NUP88: variants seen among roughly 807,000 people sequenced by gnomAD.
NUP88 encodes nucleoporin 88.
Under a neutral mutation model 93.9 loss-of-function variants are expected in NUP88, and 57 were observed. That is an observed-to-expected ratio of 0.61 (90% confidence interval 0.49 to 0.76). The LOEUF (loss-of-function observed/expected upper bound fraction) is 0.76. Among genes scored for constraint, NUP88 ranks in the 30% least tolerant of loss-of-function variants. NUP88 has a pLI of 0.00. For synonymous variants in NUP88, 346 were observed against 336.8 expected, an observed-to-expected ratio of 1.03 and a Z score of -0.30; for missense variants, 911 against 901.0, an observed-to-expected ratio of 1.01 and a Z score of -0.14.
rs1164479251 is a variant in NUP88 at position 5,407,068 on chromosome 17, C to G, written c.857+1665G>C. 2.0e-5 allele frequency among the ~76,000 whole-genome samples: 3 copies of G among 152,228 alleles called. No individual in the cohort carries two copies. The South Asian group carries it at 6.2e-4, about 32-fold the overall frequency. On this transcript the variant is annotated intron_variant, in intron 5 of 16. Coordinates refer to ENST00000573584, the MANE Select transcript of NUP88 (RefSeq NM_002532.6). Reference sequence around the variant, plus strand: ...GGGTAAGGGAAGGTACTAAAGTTACCACAAAATCCTCCTGAGATCATGTGT... The same window carrying G: ...GGGTAAGGGAAGGTACTAAAGTTACGACAAAATCCTCCTGAGATCATGTGT...
At chr17:5,387,753 T>C (rs756745371) in intron 12 of NUP88, 26 bp downstream of exon 12, 11 of 1,610,534 alleles carry the variant, frequency 6.8e-6, no homozygotes, top group Non-Finnish European at 8.5e-6. Context: ...CAGGGATCGA[T>C]GGTTTGTGAA....
Position 5,414,125 on chromosome 17 carries a change from T to C in NUP88, c.477A>G (p.Pro159=). 1 of 1,613,336 alleles carries C rather than the reference T, an allele frequency of 6.2e-7. No individual in the cohort carries two copies. Among genetic ancestry groups the C allele is most frequent in the East Asian group, 2.2e-5 (1 of 44,854 alleles). Residue 159 remains proline (P), a synonymous_variant, in exon 3 of 17, where the codon CCA becomes CCG. Transcript: ENST00000573584. ...GKSTVNCSTT[P]VAERFFTSST... ...AACTGGTGAAAAATCTCTCCGCAAC[T>C]GGAGTGGTACTAAAATAAAGATAAT...
At position 5,387,764 on chromosome 17, in the gene NUP88, C is replaced by A. The variant is rs369310522; in HGVS notation, c.1769+15G>T. 36 of 1,611,686 alleles carry A rather than the reference C, an allele frequency of 2.2e-5. No individual in the cohort carries two copies. In the African/African-American group the frequency reaches 3.6e-4, roughly 16 times the overall value. On this transcript the variant is annotated intron_variant, in intron 12 of 16. Coordinates refer to ENST00000573584, the MANE Select transcript of NUP88 (RefSeq NM_002532.6). The stretch of plus-strand genomic sequence containing the variant: ...CAGCCAGGGATCGATGGTTTGTGAA[C>A]ACAGGACATCATACCTCCGCTGAAT...
chr17:5,387,108 A>G lies in NUP88; in HGVS notation c.1919T>C (p.Met640Thr). 1.9e-6 allele frequency: 3 copies of G among 1,612,976 alleles called. No homozygotes were observed. Among genetic ancestry groups the G allele is most frequent in the Non-Finnish European group, 2.5e-6 (3 of 1,179,726 alleles). ...KEKQEDIMNR[M>T]KKLLHSFHSE... ...GTGAAAACTGTGAAGTAGTTTTTTC[A>G]TCCTTTAGAAAAGGCAAGCAAACAT... The change falls in exon 15 of 17, where the codon ATG becomes ACG. Residue 640 changes from methionine to threonine, a missense_variant and splice_region_variant. Transcript: ENST00000573584.
chr17:5,414,291 G>C (rs1914012688), intron 2 of NUP88, among the ~76,000 whole-genome samples, 157 bp from the exon 3 acceptor site: 2 of 152,048 alleles, frequency 1.3e-5, no homozygotes, highest in South Asian at 4.1e-4. Context: ...CGCCTCCCAG[G>C]TTCAAGTGAT....
Position 5,419,013 on chromosome 17 carries a change from T to C in NUP88, c.297+341A>G, listed in dbSNP as rs138881545. Among the ~76,000 whole-genome samples, 87 of 152,366 alleles carry C rather than the reference T, an allele frequency of 5.7e-4. 1 individual carries two copies. In the East Asian group the frequency reaches 0.016, roughly 28 times the overall value. ...CGCAAGAGAAAGTTACGATCTAACC[T>C]ATTATAAGCGTCACATCAGGAAACA... On this transcript the variant is annotated intron_variant, in intron 1 of 16. Coordinates refer to ENST00000573584, the MANE Select transcript of NUP88 (RefSeq NM_002532.6).
intron 2 of NUP88, among the ~76,000 whole-genome samples, chr17:5,414,810 G>A (rs978302219): frequency 7.3e-5 from 11 of 150,940 alleles, no homozygotes; most frequent in African/African-American, 1.9e-4. Context: ...CCCGTTACCC[G>A]TGAGGCTGAG....
In NUP88 at chr17:5,393,563, A is replaced by G. The variant is rs1008564575; in HGVS notation, c.1382+1328T>C. Among the ~76,000 whole-genome samples the G allele has an allele frequency of 3.2e-4, 48 of 151,088 alleles. 1 individual carries two copies. Among genetic ancestry groups the G allele is most frequent in the African/African-American group, 1.1e-3 (45 of 41,042 alleles). On this transcript the variant is annotated intron_variant, in intron 9 of 16. Coordinates refer to ENST00000573584, the MANE Select transcript of NUP88 (RefSeq NM_002532.6). ...GCAATTCTCCTGCCTCAGCCTCCCG[A>G]GTAGCTGGGATTGCAGGTGTCTGCC... is the stretch of plus-strand genomic sequence containing the variant.
chr17:5,405,052 C>T lies in NUP88; in HGVS notation c.1044+5G>A. On this transcript the variant is annotated splice_donor_5th_base_variant and intron_variant, in intron 6 of 16. Transcript: ENST00000573584. ...ATACAAACAACCACAGCAGCCTGCACTTACCGTGTGGTCATCTTCTTCTTC... is the reference window on the plus strand; with the variant it reads ...ATACAAACAACCACAGCAGCCTGCATTTACCGTGTGGTCATCTTCTTCTTC... 1 of 1,613,128 alleles carries T rather than the reference C, an allele frequency of 6.2e-7. No homozygotes were observed. Among genetic ancestry groups the T allele is most frequent in the South Asian group, 1.1e-5 (1 of 90,878 alleles).
intron 9 of NUP88, among the ~76,000 whole-genome samples, chr17:5,394,496 T>TA (rs1261367163): frequency 3.3e-5 from 5 of 152,016 alleles, no homozygotes; most frequent in Non-Finnish European, 7.4e-5. Flanking sequence ...CGACAGACAT[T>TA]AAAAAAATGC....
intron 8 of NUP88, among the ~76,000 whole-genome samples, 160 bp downstream of exon 8, chr17:5,399,388 TAGTC>T (rs1913005759): frequency 6.6e-6 from 1 of 152,186 alleles, no homozygotes; most frequent in Non-Finnish European, 1.5e-5. Context: ...TGATTATAGT[TAGTC>T]TAGCTAAAGG....
At chr17:5,389,554 G>A (rs567518574) in intron 10 of NUP88, among the ~76,000 whole-genome samples, 3 of 152,142 alleles carry the variant, frequency 2.0e-5, no homozygotes, top group Admixed American at 1.3e-4. Flanking sequence ...GAGGCAGGTG[G>A]ATCACTTGAG....
Position 5,410,702 on chromosome 17 carries a change from C to A in NUP88, c.680+1G>T, listed in dbSNP as rs765228492. On this transcript the variant is annotated splice_donor_variant, in intron 4 of 16. Transcript: ENST00000573584. LOFTEE classifies it high-confidence loss of function. The stretch of plus-strand genomic sequence containing the variant: ...ATTTCAAGACTCAAATAAAAACTTA[C>A]CCTTTATTGAGTACTAGACTTTCCT... 3.8e-6 allele frequency: 6 copies of A among 1,561,902 alleles called. No homozygotes were observed. Among genetic ancestry groups the A allele is most frequent in the South Asian group, 1.1e-5 (1 of 87,514 alleles).
In NUP88 at chr17:5,387,079, CAG is replaced by C. The variant is rs1912045224; in HGVS notation, c.1946_1947del (p.Ser649Ter). On this transcript the variant is annotated frameshift_variant, in exon 15 of 17. Transcript: ENST00000573584. LOFTEE classifies it high-confidence loss of function. ...TCACTATCAGAGAGAACTGGGAGCT[CAG>C]AGTGAAAACTGTGAAGTAGTTTTTT... The part of the protein sequence containing the change: ...RMKKLLHSFH[S>X]ELPVLSDSER... 2 of 1,613,898 alleles carry C rather than the reference CAG, an allele frequency of 1.2e-6. No individual in the cohort carries two copies. The highest frequency in any genetic ancestry group is 1.7e-5 in the Admixed American group (1 of 59,974).
At position 5,386,127 on chromosome 17, in the gene NUP88, G is replaced by T; in HGVS notation, c.*79C>A. The T allele has an allele frequency of 9.4e-7, 1 of 1,062,358 alleles. No individual in the cohort carries two copies. The highest frequency in any genetic ancestry group is 1.4e-6 in the Non-Finnish European group (1 of 721,496). 65.8% of individuals were successfully genotyped at this position (1,062,358 alleles called of 1,614,324 possible). ...CATCAAAACACCTTTTTATAAATTA[G>T]ATAATTCTACCTGTTTTACAATATG... On this transcript the variant is annotated 3_prime_UTR_variant, in exon 17 of 17. Transcript: ENST00000573584.
At position 5,385,096 on chromosome 17, in the gene NUP88, T is replaced by C. The variant is rs1439588717; in HGVS notation, c.*1110A>G. 1 of 229,568 alleles carries C rather than the reference T, an allele frequency of 4.4e-6. No homozygotes were observed. The highest frequency in any genetic ancestry group is 1.3e-3 in the Middle Eastern group (1 of 770). 14.2% of individuals were successfully genotyped at this position (229,568 alleles called of 1,614,324 possible). On this transcript the variant is annotated 3_prime_UTR_variant, in exon 17 of 17. Transcript: ENST00000573584. ...TAATAAAATCATCACAATTAGGGAA[T>C]GGTTAGTGGTCTCTACTGTGGCAAA...
chr17:5,404,958 AGT>A (rs1163602134), intron 6 of NUP88, 97 bp downstream of exon 6: 28 of 1,044,900 alleles, frequency 2.7e-5, no homozygotes, highest in African/African-American at 4.9e-5. Flanking sequence ...AAGTTCCATA[AGT>A]AAGTTAAAAT....
chr17:5,417,488 G>A (rs12603639), intron 1 of NUP88, among the ~76,000 whole-genome samples: 66,365 of 151,450 alleles, frequency 0.44, 15,261 homozygotes, highest in East Asian at 0.84. Flanking sequence ...AATAAAATAC[G>A]TTTTTAAAAA....
intron 9 of NUP88, among the ~76,000 whole-genome samples, chr17:5,393,040 C>G (rs576541956): frequency 6.6e-6 from 1 of 152,070 alleles, no homozygotes; most frequent in Non-Finnish European, 1.5e-5. Context: ...GCAGCCTCCA[C>G]CTCCCAGGGT....
Sources: allele counts gnomAD v4.1 joint callset (sites outside exome capture counted in the v4.1 genomes callset), GRCh38; gene constraint gnomAD v4.1.1; transcripts MANE v1.5; gene names NCBI Gene and HGNC (gene_info 2026-07-23, HGNC 2026-07-21).